The following COPS4 variants were observed in gnomAD, a reference collection of about 807,000 sequenced individuals.
COPS4 encodes the protein COP9 signalosome complex subunit 4.
In COPS4, 8 loss-of-function variants were observed where a neutral mutation model predicts 55.1. The observed-to-expected ratio is 0.15, with a 90% CI of 0.09 to 0.26. The LOEUF (loss-of-function observed/expected upper bound fraction) is 0.26, where lower values mean the gene tolerates loss of function less well. COPS4 is among the 10% of genes least tolerant of loss of function. COPS4 has a pLI of 1.00. For missense variants in COPS4, 248 were observed against 484.0 expected, an observed-to-expected ratio of 0.51 and a Z score of 4.58; for synonymous variants, 185 against 165.7, an observed-to-expected ratio of 1.12 and a Z score of -0.90.
intron 8 of COPS4, 89 bp downstream of exon 8, chr4:83,066,642 C>T: frequency 4.7e-6 from 3 of 641,950 alleles, no homozygotes; most frequent in Non-Finnish European, 8.0e-6. Context: ...TTGGAAACAA[C>T]ATTTATTATC....
intron 1 of COPS4, among the ~76,000 whole-genome samples, chr4:83,036,273 G>A (rs962260828): frequency 1.4e-5 from 2 of 143,596 alleles, no homozygotes; most frequent in Admixed American, 7.0e-5. Context: ...CCCCCCCGCC[G>A]CCACCCGTCT....
At chr4:83,051,926 A>T (rs1730898614) in intron 4 of COPS4, among the ~76,000 whole-genome samples, 1 of 152,196 alleles carries the variant, frequency 6.6e-6, no homozygotes. Context: ...AATCAGAATA[A>T]TGTGGAGGGT....
intron 6 of COPS4, 141 bp from the exon 7 acceptor site, chr4:83,062,935 G>A: frequency 4.5e-6 from 3 of 667,550 alleles, no homozygotes. Flanking sequence ...GGCAGTGACT[G>A]CAGACCATAA....
intron 4 of COPS4, among the ~76,000 whole-genome samples, chr4:83,051,240 CA>C (rs1194003881): frequency 6.6e-6 from 1 of 151,724 alleles, no homozygotes; most frequent in African/African-American, 2.4e-5. Flanking sequence ...CCCATCCCTA[CA>C]AAAAAATTTT....
Position 83,068,615 on chromosome 4 carries a change from A to G in COPS4, c.1087+93A>G. 6.5e-6 allele frequency: 5 copies of G among 765,680 alleles called. No homozygotes were observed. In the South Asian group the frequency reaches 8.1e-5, roughly 12 times the overall value. The allele number at this position is 765,680 out of a possible 1,614,324, so 47.4% of individuals were successfully genotyped here. ...TGTTGGACAGTTTCCTTTGACTCAG[A>G]ATCTTACTACTGGAATGAGCTTATT... On this transcript the variant is annotated intron_variant, in intron 9 of 9. Transcript: ENST00000264389.
intron 9 of COPS4, among the ~76,000 whole-genome samples, chr4:83,069,849 G>C (rs1731376984): frequency 6.6e-6 from 1 of 151,906 alleles, no homozygotes; most frequent in Non-Finnish European, 1.5e-5. Context: ...TTGGGCTTTG[G>C]ACCTTTTCTC....
At chr4:83,073,203 C>A in intron 9 of COPS4, 1 of 665,210 alleles carries the variant, frequency 1.5e-6, no homozygotes, top group Non-Finnish European at 2.8e-6. Flanking sequence ...TTCCTTCCCC[C>A]AGCTTCTGGC....
At chr4:83,058,072 G>GA in intron 6 of COPS4, among the ~76,000 whole-genome samples, 1 of 144,980 alleles carries the variant, frequency 6.9e-6, no homozygotes, top group South Asian at 2.3e-4. Context: ...CACTGCTTTT[G>GA]GGTTTTTTTT....
intron 1 of COPS4, 92 bp downstream of exon 1, chr4:83,035,390 A>C: frequency 9.0e-7 from 1 of 1,108,856 alleles, no homozygotes; most frequent in Non-Finnish European, 1.3e-6. Context: ...CTTGGGCGTG[A>C]AGCTAGGAGC....
At chr4:83,063,007 G>GT (rs1328336252) in intron 6 of COPS4, 69 bp from the exon 7 acceptor site, 2,561 of 1,312,032 alleles carry the variant, frequency 2.0e-3, no homozygotes, top group Non-Finnish European at 2.0e-3. Flanking sequence ...CATAAGATAG[G>GT]TTTTTTTTTC....
chr4:83,060,705 A>G (rs576499440), intron 6 of COPS4, among the ~76,000 whole-genome samples: 1 of 151,906 alleles, frequency 6.6e-6, no homozygotes, highest in East Asian at 1.9e-4. Context: ...TCTGTTTTCT[A>G]CTTTCTTTAA....
In COPS4 at chr4:83,075,540, T is replaced by A; in HGVS notation, c.*110T>A. ...ACCTTATACATTTCAATCCCTTTTA[T>A]GCTGGATTCCGTTTAAAGAAGACAT... is the stretch of plus-strand genomic sequence containing the variant. On this transcript the variant is annotated 3_prime_UTR_variant, in exon 10 of 10. Coordinates refer to ENST00000264389, the MANE Select transcript of COPS4 (RefSeq NM_016129.3). 1 of 1,229,948 alleles carries A rather than the reference T, an allele frequency of 8.1e-7. No homozygotes were observed. The highest frequency in any genetic ancestry group is 1.1e-6 in the Non-Finnish European group (1 of 886,324). The allele number at this position is 1,229,948 out of a possible 1,614,324, so 76.2% of individuals were successfully genotyped here.
At chr4:83,049,112 T>A (rs1266877365) in intron 2 of COPS4, 54 bp from the exon 3 acceptor site, 1 of 1,517,476 alleles carries the variant, frequency 6.6e-7, no homozygotes, top group Admixed American at 2.1e-5. Flanking sequence ...GTTGATTGTT[T>A]AATGACAATT....
Position 83,066,351 on chromosome 4 carries a change from G to T in COPS4, c.887-87G>T. ...GGAGTTAAAGAGGATGAGTTATTAC[G>T]TGCCTAGACATTTTCAGAAAAAATG... On this transcript the variant is annotated intron_variant, in intron 7 of 9. Transcript: ENST00000264389. 3 of 612,518 alleles carry T rather than the reference G, an allele frequency of 4.9e-6. No homozygotes were observed. In the East Asian group the frequency reaches 8.7e-5, roughly 18 times the overall value. 37.9% of individuals were successfully genotyped at this position (612,518 alleles called of 1,614,324 possible). A position where few individuals can be genotyped will look rare whatever the true frequency, so the allele number is the denominator to read the frequency against.
chr4:83,075,552 T>C lies in COPS4; in HGVS notation c.*122T>C. The C allele has an allele frequency of 9.2e-7, 1 of 1,092,658 alleles. No individual in the cohort carries two copies. Among genetic ancestry groups the C allele is most frequent in the South Asian group, 1.8e-5 (1 of 56,516 alleles). The allele number at this position is 1,092,658 out of a possible 1,614,324, so 67.7% of individuals were successfully genotyped here. On this transcript the variant is annotated 3_prime_UTR_variant, in exon 10 of 10. Transcript: ENST00000264389. The stretch of plus-strand genomic sequence containing the variant: ...TCAATCCCTTTTATGCTGGATTCCG[T>C]TTAAAGAAGACATTATTAGAGCAGG...
intron 1 of COPS4, among the ~76,000 whole-genome samples, chr4:83,038,705 G>T (rs990659839): frequency 6.6e-6 from 1 of 151,950 alleles, no homozygotes; most frequent in Admixed American, 6.6e-5. Context: ...GCAGTGGCGC[G>T]ATCTCGGCTC....
intron 9 of COPS4, among the ~76,000 whole-genome samples, chr4:83,071,982 T>A (rs1731442357): frequency 6.6e-6 from 1 of 152,248 alleles, no homozygotes; most frequent in African/African-American, 2.4e-5. Context: ...AGTGCTGGGA[T>A]TACAGACGTG....
intron 9 of COPS4, among the ~76,000 whole-genome samples, chr4:83,070,133 C>T (rs1223212003): frequency 6.6e-6 from 1 of 152,210 alleles, no homozygotes; most frequent in Non-Finnish European, 1.5e-5. Context: ...CCATCCGATT[C>T]TACTTTTCCT....
chr4:83,065,195 A>T (rs1731265504), intron 7 of COPS4: 3 of 457,650 alleles, frequency 6.6e-6, no homozygotes, highest in Non-Finnish European at 1.2e-5. Flanking sequence ...AACATATTAA[A>T]TTTGAGATAT....
Sources: allele counts gnomAD v4.1 joint callset (sites outside exome capture counted in the v4.1 genomes callset), GRCh38; gene constraint gnomAD v4.1.1; transcripts MANE v1.5; gene names NCBI Gene and HGNC (gene_info 2026-07-23, HGNC 2026-07-21).